Variants in NKD1 observed in about 807,000 individuals in gnomAD.
NKD1 encodes protein naked cuticle homolog 1.
NKD1 carries 21 observed loss-of-function variants against 56.0 expected under a neutral mutation model. That is an observed-to-expected ratio of 0.38 (90% CI 0.27 to 0.54). The LOEUF is 0.54. Among genes scored for constraint, NKD1 ranks in the 20% least tolerant of loss-of-function variants. The pLI is 0.82. For missense variants in NKD1, 578 were observed against 642.7 expected (o/e 0.90, Z 1.09); for synonymous variants, 263 against 265.7 (o/e 0.99, Z 0.10).
chr16:50,581,352 C>T (rs1961111705), intron 3 of NKD1, among the ~76,000 whole-genome samples: 1 of 152,182 alleles, frequency 6.6e-6, no homozygotes, highest in Non-Finnish European at 1.5e-5. Flanking sequence ...ATGGAGTTTT[C>T]GTATTACTCA....
chr16:50,577,642 C>T (rs1304500119), intron 3 of NKD1, among the ~76,000 whole-genome samples: 2 of 152,116 alleles, frequency 1.3e-5, no homozygotes, highest in African/African-American at 2.4e-5. Flanking sequence ...AACTTTGTAC[C>T]CCTTGGCCAT....
chr16:50,593,758 C>A (rs1436161046), intron 3 of NKD1, among the ~76,000 whole-genome samples: 1 of 152,200 alleles, frequency 6.6e-6, no homozygotes, highest in Non-Finnish European at 1.5e-5. Flanking sequence ...AATAGCACTT[C>A]ATTTTTTTGT....
Position 50,634,606 on chromosome 16 carries a change from T to C in NKD1, c.*825T>C, listed in dbSNP as rs2151281999. 6.6e-6 allele frequency: 1 copy of C among 152,486 alleles called. No individual in the cohort carries two copies. Among genetic ancestry groups the C allele is most frequent in the African/African-American group, 2.4e-5 (1 of 41,580 alleles). 9.4% of individuals were successfully genotyped at this position (152,486 alleles called of 1,614,324 possible). ...GGCAATTGTGTGCTGTTGGTTGTGG[T>C]GGAGGATGTGGCACATATATACGTA... On this transcript the variant is annotated 3_prime_UTR_variant, in exon 10 of 10. Coordinates refer to ENST00000268459, the MANE Select transcript of NKD1 (RefSeq NM_033119.5).
intron 3 of NKD1, among the ~76,000 whole-genome samples, chr16:50,554,368 A>T (rs1960454650): frequency 6.6e-6 from 1 of 152,158 alleles, no homozygotes; most frequent in African/African-American, 2.4e-5. Context: ...TCTGGGATCA[A>T]ACTGTCCCCG....
intron 3 of NKD1, among the ~76,000 whole-genome samples, chr16:50,596,727 G>C (rs989002230): frequency 6.6e-6 from 1 of 152,262 alleles, no homozygotes; most frequent in Admixed American, 6.5e-5. Context: ...TGTGTCAGAT[G>C]GTGGGAATGC....
Position 50,637,148 on chromosome 16 carries a change from C to G in NKD1, c.*3367C>G, listed in dbSNP as rs1387917722. The G allele has an allele frequency of 6.6e-6, 1 of 152,206 alleles. No individual in the cohort carries two copies. The highest frequency in any genetic ancestry group is 1.5e-5 in the Non-Finnish European group (1 of 68,054). 9.4% of individuals were successfully genotyped at this position (152,206 alleles called of 1,614,324 possible). A position where few individuals can be genotyped will look rare whatever the true frequency, so the allele number is the denominator to read the frequency against. On this transcript the variant is annotated 3_prime_UTR_variant, in exon 10 of 10. Transcript: ENST00000268459. The stretch of plus-strand genomic sequence containing the variant: ...TCTGGCGAACACTGTGCTGAGAGTC[C>G]TTGCATACAGCTCTCCCGGTGCCCA...
chr16:50,612,812 C>T (rs1318626284), intron 4 of NKD1, among the ~76,000 whole-genome samples: 2 of 152,074 alleles, frequency 1.3e-5, no homozygotes, highest in Non-Finnish European at 2.9e-5. Context: ...GGGACCACGC[C>T]CTTAGGTTGC....
In NKD1 at chr16:50,634,369, T is replaced by G. The variant is rs1397902176; in HGVS notation, c.*588T>G. ...TTTCTGGAGTTGTCTTTCATGCTTT[T>G]CCAGTGGGATCAAGCCCTTTTCCCC... On this transcript the variant is annotated 3_prime_UTR_variant, in exon 10 of 10. Transcript: ENST00000268459. 6.5e-6 allele frequency: 1 copy of G among 152,680 alleles called. No homozygotes were observed. Among genetic ancestry groups the G allele is most frequent in the Non-Finnish European group, 1.5e-5 (1 of 68,048 alleles). The allele number at this position is 152,680 out of a possible 1,614,324, so 9.5% of individuals were successfully genotyped here. A position where few individuals can be genotyped will look rare whatever the true frequency, so the allele number is the denominator to read the frequency against.
At position 50,608,338 on chromosome 16, in the gene NKD1, G is replaced by A; in HGVS notation, c.237G>A (p.Glu79=). 1 of 1,613,332 alleles carries A rather than the reference G, an allele frequency of 6.2e-7. No homozygotes were observed. Among genetic ancestry groups the A allele is most frequent in the Non-Finnish European group, 8.5e-7 (1 of 1,179,600 alleles). Residue 79 remains glutamate (E), a synonymous_variant, in exon 4 of 10, where the codon GAG becomes GAA. Transcript: ENST00000268459. The part of the protein sequence containing the change: ...DVLRDTLSEE[E]EDDFRLEVAL... ...TGAGAGACACGCTCAGCGAGGAAGAGGAGGACGACTTTCGGCTGGAAGGTA... is the reference window on the plus strand; with the variant it reads ...TGAGAGACACGCTCAGCGAGGAAGAAGAGGACGACTTTCGGCTGGAAGGTA...
Position 50,572,721 on chromosome 16 carries a change from T to C in NKD1, c.192+23166T>C, listed in dbSNP as rs116969972. Among the ~76,000 whole-genome samples, 105 of 152,286 alleles carry C rather than the reference T, an allele frequency of 6.9e-4. No individual in the cohort carries two copies. The East Asian group carries it at 0.018, about 26-fold the overall frequency. The stretch of plus-strand genomic sequence containing the variant: ...AAATGAGTGCTGACCACCCCTATGG[T>C]TCGTCTTCTTACCCAGCTTGGGTGC... On this transcript the variant is annotated intron_variant, in intron 3 of 9. Coordinates refer to ENST00000268459, the MANE Select transcript of NKD1 (RefSeq NM_033119.5).
rs868072952 is a variant in NKD1, at chr16:50,584,022, C to T, written c.193-24272C>T. On this transcript the variant is annotated intron_variant, in intron 3 of 9. Transcript: ENST00000268459. Reference sequence around the variant, plus strand: ...GCAGTGCAGTTGGCATATCAGTTAGCTGTTGCCATGTTGCAAACCACCCTA... The same window carrying T: ...GCAGTGCAGTTGGCATATCAGTTAGTTGTTGCCATGTTGCAAACCACCCTA... Among the ~76,000 whole-genome samples the T allele has an allele frequency of 5.9e-5, 9 of 152,232 alleles. No homozygotes were observed. The South Asian group carries it at 1.2e-3, about 21-fold the overall frequency.
chr16:50,556,604 A>G (rs1404067964), intron 3 of NKD1: 2 of 152,170 alleles, frequency 1.3e-5, no homozygotes, highest in Non-Finnish European at 2.9e-5. Flanking sequence ...AGGGCTTCAC[A>G]TTGGTGTGGC....
intron 3 of NKD1, among the ~76,000 whole-genome samples, chr16:50,586,722 A>G (rs1297672248): frequency 6.6e-6 from 1 of 152,178 alleles, no homozygotes; most frequent in African/African-American, 2.4e-5. Context: ...CCTTTGTGAA[A>G]TGGGAATCCT....
In NKD1 at chr16:50,589,833, T is replaced by C. The variant is rs914479960; in HGVS notation, c.193-18461T>C. Reference sequence around the variant, plus strand: ...TCTCCTCTCCTCTCCTCTCCTCTCTTTTCTCTTCTCTTTTTTTTCCTTTTC... The same window carrying C: ...TCTCCTCTCCTCTCCTCTCCTCTCTCTTCTCTTCTCTTTTTTTTCCTTTTC... On this transcript the variant is annotated intron_variant, in intron 3 of 9. Transcript: ENST00000268459. Among the ~76,000 whole-genome samples the C allele has an allele frequency of 1.7e-4, 22 of 129,396 alleles. 1 individual carries two copies. The highest frequency in any genetic ancestry group is 5.5e-4 in the African/African-American group (19 of 34,624). 84.9% of individuals were successfully genotyped at this position (129,396 alleles called of 152,430 possible).
chr16:50,580,848 C>G (rs1463231006), intron 3 of NKD1, among the ~76,000 whole-genome samples: 1 of 152,226 alleles, frequency 6.6e-6, no homozygotes, highest in African/African-American at 2.4e-5. Flanking sequence ...CCCACCAACC[C>G]TGTTTCTCAT....
Position 50,633,400 on chromosome 16 carries a change from C to T in NKD1, c.1032C>T (p.His344=). The T allele has an allele frequency of 6.2e-7, 1 of 1,613,806 alleles. No homozygotes were observed. Among genetic ancestry groups the T allele is most frequent in the Middle Eastern group, 1.7e-4 (1 of 6,050 alleles). ...RLRGTQDGSK[H]FVRSPKAQGK... ...GGGGCACCCAGGACGGGAGCAAGCA[C>T]TTTGTGAGGTCCCCCAAGGCCCAGG... The change falls in exon 10 of 10, where the codon CAC becomes CAT. Residue 344 remains histidine (H), a synonymous_variant. Transcript: ENST00000268459. This position sits in a 1 kb window ranked among gnomAD's most constrained non-coding sequence, Gnocchi z 4.9.
rs1301437700 is a variant in NKD1 at position 50,549,488 on chromosome 16, G to A, written c.125G>A (p.Arg42His). 3 of 1,609,756 alleles carry A rather than the reference G, an allele frequency of 1.9e-6. No individual in the cohort carries two copies. Among genetic ancestry groups the A allele is most frequent in the Middle Eastern group, 1.7e-4 (1 of 6,050 alleles). ...ATCGAGGAGTGGATCGGGAGACAGC[G>A]CTGCCCGGGCGGTGTCTCGGGACCC... ...KGIEEWIGRQ[R>H]CPGGVSGPRQ... The change falls in exon 3 of 10, where the codon CGC (arginine) becomes CAC (histidine). Residue 42 changes from arginine (R) to histidine (H), a missense_variant. Transcript: ENST00000268459.
intron 3 of NKD1, among the ~76,000 whole-genome samples, chr16:50,589,987 A>G (rs1961329625): frequency 1.3e-5 from 2 of 152,108 alleles, no homozygotes; most frequent in Admixed American, 6.5e-5. Flanking sequence ...AGCTGGGACT[A>G]CAGTTGCATG....
chr16:50,601,498 G>A (rs975774286), intron 3 of NKD1, among the ~76,000 whole-genome samples: 23 of 152,230 alleles, frequency 1.5e-4, no homozygotes, highest in Admixed American at 3.3e-4. Flanking sequence ...CTGCCCACAG[G>A]CAGCCTCCTT....
Sources: allele counts gnomAD v4.1 joint callset (sites outside exome capture counted in the v4.1 genomes callset), GRCh38; gene constraint gnomAD v4.1.1; non-coding constraint Gnocchi (gnomAD v3.1); transcripts MANE v1.5; gene names NCBI Gene and HGNC (gene_info 2026-07-23, HGNC 2026-07-21).